CDC14A: variants seen among roughly 807,000 people sequenced by gnomAD.
The protein encoded by CDC14A is dual specificity protein phosphatase CDC14A.
Under a neutral mutation model 74.4 loss-of-function variants are expected in CDC14A, and 53 were observed. The ratio of observed to expected loss-of-function variants is 0.71; its 90% confidence interval spans 0.57 to 0.89. The LOEUF (loss-of-function observed/expected upper bound fraction) is 0.89, where lower values mean the gene tolerates loss of function less well. CDC14A is among the 40% of genes least tolerant of loss of function. The probability of loss-of-function intolerance (pLI) is 0.00; values close to 1 mark genes in which losing one functional copy is unlikely to be tolerated. For synonymous variants in CDC14A, 247 were observed against 258.4 expected, an observed-to-expected ratio of 0.96 and a Z score of 0.43; for missense variants, 646 against 713.7, an observed-to-expected ratio of 0.91 and a Z score of 1.08.
intron 15 of CDC14A, among the ~76,000 whole-genome samples, chr1:100,511,337 C>T (rs1649764832): frequency 2.6e-5 from 4 of 152,170 alleles, no homozygotes; most frequent in Admixed American, 1.3e-4. Context: ...GATACTCCTC[C>T]GCTCTACAGC....
At chr1:100,478,779 G>A (rs1443824984) in intron 10 of CDC14A, among the ~76,000 whole-genome samples, 1 of 152,172 alleles carries the variant, frequency 6.6e-6, no homozygotes, top group Admixed American at 6.5e-5. Context: ...TATTACAATA[G>A]ATGTTTTCAT....
intron 4 of CDC14A, among the ~76,000 whole-genome samples, chr1:100,402,548 GA>G (rs1383033962): frequency 2.6e-5 from 4 of 151,674 alleles, no homozygotes; most frequent in Admixed American, 1.3e-4. Context: ...ATCTTAATTA[GA>G]AAAAAAAGAC....
chr1:100,381,898 G>A (rs1656154054), intron 3 of CDC14A, among the ~76,000 whole-genome samples: 1 of 152,152 alleles, frequency 6.6e-6, no homozygotes, highest in South Asian at 2.1e-4. Context: ...AAAGAGGGAA[G>A]ATGCATTGAA....
At chr1:100,402,829 G>T (rs1659447287) in intron 4 of CDC14A, among the ~76,000 whole-genome samples, 1 of 152,212 alleles carries the variant, frequency 6.6e-6, no homozygotes, top group Non-Finnish European at 1.5e-5. Flanking sequence ...TCTGCAAAAA[G>T]ATTAGAAACA....
chr1:100,380,428 C>T (rs532157674), intron 3 of CDC14A, among the ~76,000 whole-genome samples: 52 of 152,200 alleles, frequency 3.4e-4, no homozygotes, highest in Non-Finnish European at 1.0e-4. Context: ...GCTACCTGAC[C>T]TTGTTGTCCC....
intron 2 of CDC14A, among the ~76,000 whole-genome samples, chr1:100,367,733 C>T (rs974821807): frequency 2.6e-5 from 4 of 152,106 alleles, no homozygotes; most frequent in Admixed American, 6.5e-5. Flanking sequence ...GAAGCTCATC[C>T]GTCTTTTTGT....
intron 4 of CDC14A, among the ~76,000 whole-genome samples, chr1:100,392,753 G>T (rs753501407): frequency 6.6e-6 from 1 of 152,098 alleles, no homozygotes; most frequent in Non-Finnish European, 1.5e-5. Context: ...GGCCCACATG[G>T]CTCAAAATTA....
intron 15 of CDC14A, among the ~76,000 whole-genome samples, chr1:100,503,220 G>A (rs74104807): frequency 0.019 from 2,926 of 152,154 alleles, 102 homozygotes; most frequent in African/African-American, 0.067. Flanking sequence ...AATTATACTG[G>A]GTTTATTGTC....
Position 100,440,542 on chromosome 1 carries a change from A to T in CDC14A, c.456+544A>T, listed in dbSNP as rs1214362253. Among the ~76,000 whole-genome samples the T allele has an allele frequency of 5.9e-5, 9 of 152,206 alleles. 1 individual carries two copies. Among genetic ancestry groups the T allele is most frequent in the Admixed American group, 3.3e-4 (5 of 15,278 alleles). On this transcript the variant is annotated intron_variant, in intron 6 of 15. Transcript: ENST00000336454. Reference sequence around the variant, plus strand: ...GAAGATTTCTGAGAGCTCTCGGAACATGTTTTAGAAACATAAATTCACAAT... The same window carrying T: ...GAAGATTTCTGAGAGCTCTCGGAACTTGTTTTAGAAACATAAATTCACAAT...
chr1:100,515,386 CT>C (rs368562046), intron 15 of CDC14A, among the ~76,000 whole-genome samples: 5,158 of 139,990 alleles, frequency 0.037, 115 homozygotes, highest in African/African-American at 0.082. Flanking sequence ...TTCTTTCTTT[CT>C]TTTTTTTTTT....
intron 15 of CDC14A, among the ~76,000 whole-genome samples, chr1:100,509,205 G>A (rs572246404): frequency 6.6e-6 from 1 of 152,194 alleles, no homozygotes; most frequent in South Asian, 2.1e-4. Context: ...TTTCCATCAG[G>A]AGTTGGGCTA....
At chr1:100,410,330 T>C (rs1254419049) in intron 4 of CDC14A, among the ~76,000 whole-genome samples, 1 of 152,036 alleles carries the variant, frequency 6.6e-6, no homozygotes, top group Non-Finnish European at 1.5e-5. Flanking sequence ...TCTAAAATCA[T>C]TTTTTTTCCA....
intron 5 of CDC14A, among the ~76,000 whole-genome samples, chr1:100,429,286 A>G (rs1422213348): frequency 6.6e-6 from 1 of 151,966 alleles, no homozygotes; most frequent in Non-Finnish European, 1.5e-5. Context: ...TATGCTGACA[A>G]TAAATAACAT....
intron 9 of CDC14A, among the ~76,000 whole-genome samples, chr1:100,466,871 C>CAAAAAAAA: frequency 1.1e-5 from 1 of 87,296 alleles, no homozygotes. Context: ...ACTCGGTCTC[C>CAAAAAAAA]AAAAAAAAAA....
intron 5 of CDC14A, among the ~76,000 whole-genome samples, chr1:100,438,084 C>A (rs190413074): frequency 6.6e-6 from 1 of 151,834 alleles, no homozygotes. Context: ...GTAGCATTAG[C>A]AATATAAGTG....
intron 9 of CDC14A, among the ~76,000 whole-genome samples, chr1:100,464,587 G>C (rs1264908061): frequency 2.0e-5 from 3 of 152,164 alleles, no homozygotes; most frequent in Non-Finnish European, 4.4e-5. Context: ...TCAAACTTTA[G>C]TTTTGTGCCA....
At chr1:100,387,407 A>G (rs1657029878) in intron 3 of CDC14A, among the ~76,000 whole-genome samples, 1 of 152,216 alleles carries the variant, frequency 6.6e-6, no homozygotes, top group African/African-American at 2.4e-5. Context: ...GCAGGAAATC[A>G]TTTCTTGGCT....
At chr1:100,347,308 T>G (rs1650505229) in intron 1 of CDC14A, among the ~76,000 whole-genome samples, 1 of 152,226 alleles carries the variant, frequency 6.6e-6, no homozygotes, top group Non-Finnish European at 1.5e-5. Context: ...ATAAAGGAAC[T>G]ATTGTGTAGA....
At chr1:100,353,595 T>C (rs775888625) in intron 1 of CDC14A, among the ~76,000 whole-genome samples, 167 bp from the exon 2 acceptor site, 1 of 152,216 alleles carries the variant, frequency 6.6e-6, no homozygotes, top group Non-Finnish European at 1.5e-5. Flanking sequence ...CTTGCCTAAC[T>C]GTTGTGCTCT....
Sources: allele counts gnomAD v4.1 joint callset (sites outside exome capture counted in the v4.1 genomes callset), GRCh38; gene constraint gnomAD v4.1.1; transcripts MANE v1.5; gene names NCBI Gene and HGNC (gene_info 2026-07-23, HGNC 2026-07-21).